The following RSPH14 variants were observed in gnomAD, a reference collection of about 807,000 sequenced individuals.
The protein encoded by RSPH14 is radial spoke head 14 homolog, also known as rhabdoid tumor deletion region gene 1.
In RSPH14, 20 loss-of-function variants were observed where a neutral mutation model predicts 26.7. The ratio of observed to expected loss-of-function variants is 0.75; its 90% CI spans 0.53 to 1.09. The LOEUF (loss-of-function observed/expected upper bound fraction) is 1.09. Ranked by LOEUF, RSPH14 falls within the 50% of genes least tolerant of loss-of-function variation. The pLI is 0.00. For synonymous variants in RSPH14, 177 were observed against 189.3 expected (o/e 0.93, Z 0.53); for missense variants, 449 against 457.2 (o/e 0.98, Z 0.16).
chr22:23,094,586 CCTT>C (rs1353942578), intron 4 of RSPH14, among the ~76,000 whole-genome samples: 3 of 152,240 alleles, frequency 2.0e-5, no homozygotes, highest in Non-Finnish European at 2.9e-5. Flanking sequence ...CCCTCTACCT[CCTT>C]CTGCAGGAGT....
intron 4 of RSPH14, 138 bp from the exon 5 acceptor site, chr22:23,064,271 A>C (rs373017834): frequency 6.8e-6 from 5 of 740,044 alleles, no homozygotes; most frequent in African/African-American, 1.7e-5. Context: ...TGCCACCCCC[A>C]CACACACGTC....
the RSPH14 span, among the ~76,000 whole-genome samples, chr22:23,159,792 C>G: frequency 7.9e-5 from 12 of 152,168 alleles, no homozygotes; most frequent in South Asian, 2.1e-4. Context: ...GACCCCAGCT[C>G]TCACTGAACT....
At chr22:23,084,934 T>C (rs1297898624) in intron 4 of RSPH14, among the ~76,000 whole-genome samples, 3 of 152,186 alleles carry the variant, frequency 2.0e-5, no homozygotes, top group Non-Finnish European at 4.4e-5. Flanking sequence ...CCAGGTGCCA[T>C]TGCACACTGG....
At chr22:23,178,736 G>A in the RSPH14 span, among the ~76,000 whole-genome samples, 11 of 152,162 alleles carry the variant, frequency 7.2e-5, no homozygotes, top group African/African-American at 2.2e-4. Flanking sequence ...TCACGAAATC[G>A]ACCCCTACAC....
Position 23,059,587 on chromosome 22 carries a change from C to A in RSPH14, c.922G>T (p.Ala308Ser). ...MLAEAPEGRK[A>S]LQTHVPTFRA... ...AAAGTGGGCACGTGCGTCTGCAGGGCCTTGCGGCCCTCGGGGGCCTCTGCC... is the reference window on the plus strand; with the variant it reads ...AAAGTGGGCACGTGCGTCTGCAGGGACTTGCGGCCCTCGGGGGCCTCTGCC... Residue 308 changes from alanine (A) to serine (S), a missense_variant, in exon 7 of 7, where the codon GCC becomes TCC. Transcript: ENST00000216036. 5 of 1,614,030 alleles carry A rather than the reference C, an allele frequency of 3.1e-6. No homozygotes were observed. The highest frequency in any genetic ancestry group is 4.2e-6 in the Non-Finnish European group (5 of 1,179,954).
chr22:23,159,545 C>T, the RSPH14 span, among the ~76,000 whole-genome samples: 1 of 152,216 alleles, frequency 6.6e-6, no homozygotes, highest in African/African-American at 2.4e-5. Flanking sequence ...ACCGGAGAAC[C>T]CCATAACTAC....
chr22:23,156,131 T>G, the RSPH14 span: 1 of 756,170 alleles, frequency 1.3e-6, no homozygotes, highest in Non-Finnish European at 2.0e-6. Context: ...AGGCACCAGT[T>G]TTTTGTCCTC....
intron 4 of RSPH14, among the ~76,000 whole-genome samples, chr22:23,125,627 C>T (rs1254849190): frequency 2.0e-5 from 3 of 152,216 alleles, no homozygotes; most frequent in Non-Finnish European, 2.9e-5. Flanking sequence ...GGGCTCCTTA[C>T]TAATGATTTT....
intron 4 of RSPH14, chr22:23,124,213 G>GT (rs1722060192): frequency 5.0e-5 from 9 of 179,706 alleles, no homozygotes; most frequent in African/African-American, 1.6e-4. Flanking sequence ...TTTGTTTTTT[G>GT]GTTTTTTTTT....
At chr22:23,079,883 C>T (rs1231183267) in intron 4 of RSPH14, among the ~76,000 whole-genome samples, 1 of 152,102 alleles carries the variant, frequency 6.6e-6, no homozygotes, top group East Asian at 1.9e-4. Context: ...CCACTCATGC[C>T]CCTAGGTCCC....
chr22:23,124,206 GTTTTTTGGTTTTT>G (rs1239247846), intron 4 of RSPH14: 11 of 160,488 alleles, frequency 6.9e-5, no homozygotes, highest in African/African-American at 3.7e-4. Flanking sequence ...TTTTTGTTTT[GTTTTTTGGTTTTT>G]TTTTTTTTTT....
chr22:23,132,638 AT>A (rs2070379205), intron 4 of RSPH14: 1 of 151,748 alleles, frequency 6.6e-6, no homozygotes, highest in Non-Finnish European at 1.5e-5. Context: ...ACAGAAAAAA[AT>A]CTATGATTAA....
At chr22:23,130,107 GAAA>G (rs2070301232) in intron 4 of RSPH14, among the ~76,000 whole-genome samples, 1 of 86,072 alleles carries the variant, frequency 1.2e-5, no homozygotes, top group South Asian at 3.7e-4. Flanking sequence ...AAGAAAGAAA[GAAA>G]GAAAGAAAGA....
intron 4 of RSPH14, among the ~76,000 whole-genome samples, chr22:23,082,864 C>T (rs2068720055): frequency 6.6e-6 from 1 of 152,222 alleles, no homozygotes; most frequent in East Asian, 1.9e-4. Flanking sequence ...TAGCTGGGCT[C>T]TCAGCCTGGG....
chr22:23,147,828 G>A (rs2070882083), upstream of RSPH14, among the ~76,000 whole-genome samples: 1 of 152,220 alleles, frequency 6.6e-6, no homozygotes, highest in Non-Finnish European at 1.5e-5. Context: ...CTCTTCAGGA[G>A]CTGACATGCA....
At chr22:23,150,931 C>T in the RSPH14 span, among the ~76,000 whole-genome samples, 17 of 152,292 alleles carry the variant, frequency 1.1e-4, no homozygotes, top group African/African-American at 2.9e-4. Context: ...CCCAAGAGGG[C>T]GAGGGCTGTG....
At position 23,095,390 on chromosome 22, in the gene RSPH14, C is replaced by T. The variant is rs576041326; in HGVS notation, c.422-31257G>A. On this transcript the variant is annotated intron_variant, in intron 4 of 6. Transcript: ENST00000216036. ...CGGCAGCAGCCGAGGCAAACACAAG[C>T]GGACGGCTTCCCACCGTCGCCGAGG... 8 of 359,290 alleles carry T rather than the reference C, an allele frequency of 2.2e-5. No individual in the cohort carries two copies. The East Asian group carries it at 2.7e-4, about 12-fold the overall frequency. The allele number at this position is 359,290 out of a possible 1,614,324, so 22.3% of individuals were successfully genotyped here. A position where few individuals can be genotyped will look rare whatever the true frequency, so the allele number is the denominator to read the frequency against.
At chr22:23,099,658 A>G (rs2069237631) in intron 4 of RSPH14, among the ~76,000 whole-genome samples, 1 of 152,192 alleles carries the variant, frequency 6.6e-6, no homozygotes, top group African/African-American at 2.4e-5. Context: ...CACAGGACCC[A>G]CCACGGGCCT....
chr22:23,095,738 C>T (rs766030793), intron 4 of RSPH14: 13 of 1,611,934 alleles, frequency 8.1e-6, no homozygotes, highest in African/African-American at 1.3e-5. Flanking sequence ...AGCAGCCCGG[C>T]GGTCCCGGAG....
Sources: allele counts gnomAD v4.1 joint callset (sites outside exome capture counted in the v4.1 genomes callset), GRCh38; gene constraint gnomAD v4.1.1; transcripts MANE v1.5; gene names NCBI Gene and HGNC (gene_info 2026-07-23, HGNC 2026-07-21).